MFSD11: variants seen among roughly 807,000 people sequenced by gnomAD.
MFSD11 encodes the protein major facilitator superfamily domain containing 11.
A neutral mutation model predicts 53.5 loss-of-function variants in MFSD11; 36 were observed. That is an observed-to-expected ratio of 0.67 (90% confidence interval 0.52 to 0.89). The LOEUF (loss-of-function observed/expected upper bound fraction) is 0.89. Ranked by LOEUF, MFSD11 falls within the 40% of genes least tolerant of loss-of-function variation. MFSD11 has a pLI of 0.00. For synonymous variants in MFSD11, 186 were observed against 184.9 expected (o/e 1.01, Z -0.05); for missense variants, 530 against 543.9 (o/e 0.97, Z 0.25).
intron 10 of MFSD11, 70 bp from the exon 11 acceptor site, chr17:76,774,927 G>T: frequency 1.3e-6 from 2 of 1,486,398 alleles, no homozygotes; most frequent in Non-Finnish European, 1.8e-6. Flanking sequence ...TGGCTCCTTG[G>T]TGGTAACTCA....
At chr17:76,780,777 G>A (rs182981922), downstream of MFSD11, among the ~76,000 whole-genome samples, 2,764 of 152,230 alleles carry the variant, frequency 0.018, 81 homozygotes, top group African/African-American at 0.062. Flanking sequence ...GCCTCCCAAA[G>A]TGCTGGGATT....
chr17:76,740,090 C>T (rs1232209078), intron 2 of MFSD11, among the ~76,000 whole-genome samples: 5 of 146,386 alleles, frequency 3.4e-5, no homozygotes, highest in Admixed American at 7.1e-5. Context: ...AAGAGAATGG[C>T]GTGAACCCGG....
chr17:76,798,278 G>A, the MFSD11 span, among the ~76,000 whole-genome samples: 1 of 152,096 alleles, frequency 6.6e-6, no homozygotes, highest in South Asian at 2.1e-4. Flanking sequence ...GGTGAGCTTG[G>A]GGTGGGGATG....
chr17:76,778,307 AGCTGCC>A lies in MFSD11; in HGVS notation c.1308_1313del (p.Ala437_Ala438del). ...TTTCTTTCTTCACTGTGGAATGGGA[AGCTGCC>A]GCCTTTGTAGCCCGCGGCTCTGACT... On this transcript the variant is annotated inframe_deletion, in exon 13 of 13. Transcript: ENST00000685175. 1 of 1,614,176 alleles carries A rather than the reference AGCTGCC, an allele frequency of 6.2e-7. No homozygotes were observed. Among genetic ancestry groups the A allele is most frequent in the Non-Finnish European group, 8.5e-7 (1 of 1,180,032 alleles).
intron 8 of MFSD11, among the ~76,000 whole-genome samples, chr17:76,765,300 G>A (rs1166369312): frequency 1.3e-5 from 2 of 151,948 alleles, no homozygotes; most frequent in African/African-American, 4.8e-5. Context: ...ATTGACTGTA[G>A]ATATAAACAT....
At position 76,741,020 on chromosome 17, in the gene MFSD11, T is replaced by G. The variant is rs1413174090; in HGVS notation, c.216T>G (p.Ile72Met). The G allele has an allele frequency of 6.2e-7, 1 of 1,613,430 alleles. No homozygotes were observed. Residue 72 changes from isoleucine (I) to methionine (M), a missense_variant, in exon 3 of 13, where the codon ATT (isoleucine) becomes ATG (methionine). Transcript: ENST00000685175. ...TGATTACACCGTCAGTGGTTGCCAT[T>G]GTAGGACCTCAACTCTCTATGTTTG... Reference protein sequence around the residue: ...SNLITPSVVAIVGPQLSMFAS... With the variant: ...SNLITPSVVAMVGPQLSMFAS...
Position 76,776,483 on chromosome 17 carries a change from T to C in MFSD11, c.1127T>C (p.Leu376Ser), listed in dbSNP as rs1440921610. The C allele has an allele frequency of 6.2e-7, 1 of 1,614,052 alleles. No individual in the cohort carries two copies. The highest frequency in any genetic ancestry group is 8.5e-7 in the Non-Finnish European group (1 of 1,180,036). ...SCFNTQLLSI[L>S]GFLYSEDSAP... is the part of the protein sequence containing the mutation. Reference sequence around the variant, plus strand: ...TTTAATACCCAGCTGCTTAGTATCTTGGGCTTTCTGTATTCTGAAGACAGC... The same window carrying C: ...TTTAATACCCAGCTGCTTAGTATCTCGGGCTTTCTGTATTCTGAAGACAGC... Residue 376 changes from leucine (L) to serine (S), a missense_variant, in exon 12 of 13, where the codon TTG becomes TCG. Physicochemically the swap from Leu to Ser is moderately radical, Grantham distance 145 (BLOSUM62 -2). Coordinates refer to ENST00000685175, the MANE Select transcript of MFSD11 (RefSeq NM_001242532.5). This position sits in a 1 kb window ranked among gnomAD's most constrained non-coding sequence, Gnocchi z 4.2.
chr17:76,798,301 G>GCC, the MFSD11 span, among the ~76,000 whole-genome samples: 18 of 152,142 alleles, frequency 1.2e-4, no homozygotes, highest in Non-Finnish European at 1.5e-5. Context: ...AAGCCTCTAT[G>GCC]CCCCGTCCAG....
chr17:76,764,114 C>A (rs573758276), intron 8 of MFSD11, among the ~76,000 whole-genome samples: 1 of 152,156 alleles, frequency 6.6e-6, no homozygotes, highest in Non-Finnish European at 1.5e-5. Context: ...ATTCGCCTGC[C>A]TCCCGAAGTG....
chr17:76,796,688 C>T, the MFSD11 span, among the ~76,000 whole-genome samples: 46 of 151,898 alleles, frequency 3.0e-4, no homozygotes, highest in Admixed American at 2.0e-3. Flanking sequence ...GAAAGAATTC[C>T]GAGGCTGGGC....
chr17:76,757,211 G>C (rs1213822512), intron 8 of MFSD11, among the ~76,000 whole-genome samples: 1 of 152,204 alleles, frequency 6.6e-6, no homozygotes, highest in Non-Finnish European at 1.5e-5. Flanking sequence ...CCTCAACTCT[G>C]TCTGTAAAAG....
chr17:76,737,080 G>A (rs140957080), upstream of MFSD11: 223 of 1,612,600 alleles, frequency 1.4e-4, no homozygotes, highest in Admixed American at 5.5e-4. Flanking sequence ...TCAGCGTGTC[G>A]GGCGAGGTGC....
chr17:76,764,492 G>A (rs1355960472), intron 8 of MFSD11, among the ~76,000 whole-genome samples: 2 of 152,180 alleles, frequency 1.3e-5, no homozygotes, highest in Non-Finnish European at 2.9e-5. Flanking sequence ...ATATAAGTAA[G>A]ATCATGCAGT....
Position 76,738,302 on chromosome 17 carries a change from C to A in MFSD11, c.-51C>A. ...TCCAGGATTGTCAGTGGCTTCGCCC[C>A]GAGGAGAGCTGACTGCCCTGGGCTG... On this transcript the variant is annotated 5_prime_UTR_variant, in exon 1 of 13. Transcript: ENST00000685175. 1 of 1,247,182 alleles carries A rather than the reference C, an allele frequency of 8.0e-7. No homozygotes were observed. The highest frequency in any genetic ancestry group is 1.2e-6 in the Non-Finnish European group (1 of 853,256). The allele number at this position is 1,247,182 out of a possible 1,614,324, so 77.3% of individuals were successfully genotyped here.
rs535246543 is a variant in MFSD11, at chr17:76,767,924, C to T, written c.748+473C>T. Among the ~76,000 whole-genome samples the T allele has an allele frequency of 1.3e-4, 20 of 152,312 alleles. No homozygotes were observed. In the South Asian group the frequency reaches 3.3e-3, roughly 25 times the overall value. On this transcript the variant is annotated intron_variant, in intron 9 of 12. Transcript: ENST00000685175. The stretch of plus-strand genomic sequence containing the variant: ...CACAAGGTTCAGAAAAACCAGGACA[C>T]GTGGCTCTTTGGGACCAGTGGTTTT...
chr17:76,738,825 G>A, intron 1 of MFSD11, 113 bp from the exon 2 acceptor site: 1 of 801,804 alleles, frequency 1.2e-6, no homozygotes, highest in Non-Finnish European at 2.1e-6. Context: ...TCAGTATTAA[G>A]TACATTATGA....
intron 8 of MFSD11, among the ~76,000 whole-genome samples, chr17:76,762,159 T>C (rs2080322691): frequency 2.0e-5 from 3 of 152,144 alleles, no homozygotes; most frequent in Admixed American, 2.0e-4. Flanking sequence ...ATTCCTCTAC[T>C]TTGTCTATAG....
In MFSD11 at chr17:76,738,122, C is replaced by G. The variant is rs1170123463; in HGVS notation, c.-231C>G. 1.9e-6 allele frequency: 1 copy of G among 530,870 alleles called. No homozygotes were observed. The highest frequency in any genetic ancestry group is 1.9e-5 in the African/African-American group (1 of 51,880). 32.9% of individuals were successfully genotyped at this position (530,870 alleles called of 1,614,324 possible). On this transcript the variant is annotated 5_prime_UTR_variant, in exon 1 of 13. Transcript: ENST00000685175. ...TCTTGGCGCTTCTCCGGGGGTTGTG[C>G]TCTTCCGTACTCGGATCGCTTCTTA...
chr17:76,748,346 C>G (rs2078739676), intron 7 of MFSD11, among the ~76,000 whole-genome samples: 1 of 152,144 alleles, frequency 6.6e-6, no homozygotes, highest in Non-Finnish European at 1.5e-5. Flanking sequence ...AGGTTCCCAC[C>G]TAAAGGCCTC....
Sources: allele counts gnomAD v4.1 joint callset (sites outside exome capture counted in the v4.1 genomes callset), GRCh38; gene constraint gnomAD v4.1.1; non-coding constraint Gnocchi (gnomAD v3.1); transcripts MANE v1.5; gene names NCBI Gene and HGNC (gene_info 2026-07-23, HGNC 2026-07-21).